Variants in BRINP3 observed in about 807,000 individuals in gnomAD.
BRINP3 encodes BMP/retinoic acid-inducible neural-specific protein 3.
Under a neutral mutation model 71.0 loss-of-function variants are expected in BRINP3, and 19 were observed. That is an observed-to-expected ratio of 0.27 (90% CI 0.19 to 0.39). The LOEUF (loss-of-function observed/expected upper bound fraction) is 0.39, where lower values mean the gene tolerates loss of function less well. Among genes scored for constraint, BRINP3 ranks in the 10% least tolerant of loss-of-function variants. BRINP3 has a pLI of 1.00. For synonymous variants in BRINP3, 380 were observed against 337.7 expected (o/e 1.13, Z -1.37); for missense variants, 959 against 940.8 (o/e 1.02, Z -0.25).
chr1:190,241,475 C>A (rs1279357351), intron 4 of BRINP3, among the ~76,000 whole-genome samples: 1 of 152,040 alleles, frequency 6.6e-6, no homozygotes, highest in East Asian at 1.9e-4. Flanking sequence ...TTCTCTCTCT[C>A]TCTCTCTCTC....
At chr1:190,466,863 T>C (rs1226440741) in intron 1 of BRINP3, among the ~76,000 whole-genome samples, 1 of 151,518 alleles carries the variant, frequency 6.6e-6, no homozygotes, top group Admixed American at 6.6e-5. Context: ...AAAACACTCG[T>C]AATGTTAATC....
intron 2 of BRINP3, among the ~76,000 whole-genome samples, chr1:190,445,308 C>A (rs1186829288): frequency 6.6e-6 from 1 of 151,950 alleles, no homozygotes; most frequent in Non-Finnish European, 1.5e-5. Flanking sequence ...AGGGTCTAAT[C>A]TTTTACTTTC....
At chr1:190,216,200 C>A (rs920364485) in intron 6 of BRINP3, among the ~76,000 whole-genome samples, 7 of 151,666 alleles carry the variant, frequency 4.6e-5, no homozygotes, top group African/African-American at 1.7e-4. Flanking sequence ...AAGTTTGAAT[C>A]CTTGATCCAC....
intron 7 of BRINP3, among the ~76,000 whole-genome samples, chr1:190,127,865 C>T (rs1215486200): frequency 6.6e-6 from 1 of 151,682 alleles, no homozygotes; most frequent in Non-Finnish European, 1.5e-5. Flanking sequence ...TGTTACATCG[C>T]TGAAAACCTA....
rs375428312 is a variant in BRINP3 at position 190,377,621 on chromosome 1, A to AAC, written c.236+77032_236+77033dup. On this transcript the variant is annotated intron_variant, in intron 2 of 7. Coordinates refer to ENST00000367462, the MANE Select transcript of BRINP3 (RefSeq NM_199051.3). ...ATATAATATATATAAAACCTGAAAG[A>AAC]ACACACACACACACAAGTACACACA... Among the ~76,000 whole-genome samples the AAC allele has an allele frequency of 1.6e-4, 24 of 148,648 alleles. No individual in the cohort carries two copies. The East Asian group carries it at 2.5e-3, about 16-fold the overall frequency.
chr1:190,182,377 G>A (rs898290235), intron 6 of BRINP3, among the ~76,000 whole-genome samples: 1 of 151,922 alleles, frequency 6.6e-6, no homozygotes, highest in Non-Finnish European at 1.5e-5. Flanking sequence ...TTTTCTTTCA[G>A]AATATTTTCT....
intron 2 of BRINP3, among the ~76,000 whole-genome samples, chr1:190,442,704 G>C (rs2102565061): frequency 6.6e-6 from 1 of 150,890 alleles, no homozygotes; most frequent in Admixed American, 6.6e-5. Context: ...AATGTGTGTG[G>C]TTACTTTGTG....
intron 1 of BRINP3, among the ~76,000 whole-genome samples, chr1:190,465,760 A>G (rs984643978): frequency 1.3e-5 from 2 of 151,904 alleles, no homozygotes; most frequent in East Asian, 3.8e-4. Context: ...CCCACCTTGA[A>G]TAAGGTCTAT....
chr1:190,159,771 G>T (rs964233559), intron 7 of BRINP3, among the ~76,000 whole-genome samples: 27 of 151,812 alleles, frequency 1.8e-4, no homozygotes, highest in African/African-American at 6.5e-4. Flanking sequence ...AGATTATGAT[G>T]GTTGCATAGT....
At chr1:190,323,314 G>T (rs1435816216) in intron 2 of BRINP3, among the ~76,000 whole-genome samples, 1 of 151,770 alleles carries the variant, frequency 6.6e-6, no homozygotes, top group African/African-American at 2.4e-5. Flanking sequence ...AGGTTACTGG[G>T]TCTGCTTTTT....
chr1:190,285,683 T>G (rs78770799), intron 2 of BRINP3, among the ~76,000 whole-genome samples: 1 of 152,058 alleles, frequency 6.6e-6, no homozygotes, highest in Non-Finnish European at 1.5e-5. Context: ...AATAAGGAGC[T>G]AATGTCTGTA....
intron 6 of BRINP3, among the ~76,000 whole-genome samples, chr1:190,221,582 A>C (rs1221714953): frequency 2.6e-5 from 4 of 152,174 alleles, no homozygotes; most frequent in African/African-American, 9.6e-5. Context: ...ATAACACTGA[A>C]TGTAAATGAT....
At chr1:190,112,092 A>C (rs1571729313) in intron 7 of BRINP3, among the ~76,000 whole-genome samples, 1 of 152,240 alleles carries the variant, frequency 6.6e-6, no homozygotes, top group East Asian at 1.9e-4. Flanking sequence ...CGGACAGGTG[A>C]TTTTCTTTCA....
intron 2 of BRINP3, among the ~76,000 whole-genome samples, chr1:190,452,733 A>G (rs1025292375): frequency 6.6e-6 from 1 of 152,008 alleles, no homozygotes; most frequent in Non-Finnish European, 1.5e-5. Flanking sequence ...GCGGGCGCCT[A>G]TTAATCTAAG....
intron 4 of BRINP3, among the ~76,000 whole-genome samples, chr1:190,254,139 T>C (rs971373087): frequency 3.3e-5 from 5 of 152,172 alleles, no homozygotes; most frequent in African/African-American, 1.2e-4. Context: ...TCTAATTTAG[T>C]ACCAGTACCA....
chr1:190,177,155 T>A (rs866357610), intron 6 of BRINP3, among the ~76,000 whole-genome samples: 16 of 113,560 alleles, frequency 1.4e-4, no homozygotes, highest in African/African-American at 3.8e-4. Flanking sequence ...CACTTCTTTT[T>A]TTTTTTTTTT....
intron 3 of BRINP3, among the ~76,000 whole-genome samples, chr1:190,280,293 G>A (rs1055943101): frequency 6.6e-6 from 1 of 151,790 alleles, no homozygotes; most frequent in Non-Finnish European, 1.5e-5. Flanking sequence ...AGAGGCCTGA[G>A]TTTAAAGCTA....
intron 7 of BRINP3, among the ~76,000 whole-genome samples, chr1:190,101,178 A>G (rs1462494574): frequency 3.9e-5 from 6 of 152,202 alleles, no homozygotes; most frequent in Non-Finnish European, 7.4e-5. Flanking sequence ...TTACAGCAGC[A>G]TGAAGTGGAC....
intron 2 of BRINP3, among the ~76,000 whole-genome samples, chr1:190,430,778 C>T (rs1674044341): frequency 6.6e-6 from 1 of 152,090 alleles, no homozygotes; most frequent in Admixed American, 6.6e-5. Context: ...AAAGTATTGA[C>T]AAAAACCATA....
Sources: gnomAD v4.1 joint callset for allele counts (sites outside exome capture counted in the v4.1 genomes callset) on GRCh38, gnomAD v4.1.1 for gene constraint, MANE v1.5 for transcripts, NCBI Gene and HGNC (gene_info 2026-07-23, HGNC 2026-07-21) for gene names.